Variants in ASB1 observed in about 807,000 individuals in gnomAD.
The protein encoded by ASB1 is ankyrin repeat and SOCS box containing 1.
Under a neutral mutation model 27.7 loss-of-function variants are expected in ASB1, and 18 were observed. The observed-to-expected ratio is 0.65, with a 90% CI of 0.45 to 0.96. ASB1 has a LOEUF of 0.96. Among genes scored for constraint, ASB1 ranks in the 50% least tolerant of loss-of-function variants. ASB1 has a pLI of 0.00. For missense variants in ASB1, 397 were observed against 451.7 expected (o/e 0.88, Z 1.10); for synonymous variants, 189 against 187.6 (o/e 1.01, Z -0.06).
intron 4 of ASB1, 21 bp downstream of exon 4, chr2:238,444,748 T>C (rs1702145753): frequency 6.3e-7 from 1 of 1,578,028 alleles, no homozygotes; most frequent in Non-Finnish European, 8.6e-7. Context: ...TGAGTTCAGC[T>C]CTGACTTGTG....
intron 2 of ASB1, among the ~76,000 whole-genome samples, chr2:238,434,415 A>G (rs1316091792): frequency 6.6e-6 from 1 of 152,178 alleles, no homozygotes. Context: ...GCAGCCAGGA[A>G]CTATCCATGC....
At chr2:238,445,205 C>G (rs1473703311) in intron 4 of ASB1, among the ~76,000 whole-genome samples, 2 of 152,022 alleles carry the variant, frequency 1.3e-5, no homozygotes, top group African/African-American at 4.8e-5. Flanking sequence ...TGTTGAACTC[C>G]TGGGCTCAAG....
In ASB1 at chr2:238,452,139, C is replaced by G. The variant is rs1036583366; in HGVS notation, c.*5628C>G. On this transcript the variant is annotated 3_prime_UTR_variant, in exon 5 of 5. Coordinates refer to ENST00000264607, the MANE Select transcript of ASB1 (RefSeq NM_001040445.3). ...CTGTGGGCAAGCCTGTTGTTTTTGGCCCCCTGTTGTTACATGGGACCTGTT... is the reference window on the plus strand; with the variant it reads ...CTGTGGGCAAGCCTGTTGTTTTTGGGCCCCTGTTGTTACATGGGACCTGTT... 1 of 152,136 alleles carries G rather than the reference C, an allele frequency of 6.6e-6. No individual in the cohort carries two copies. Among genetic ancestry groups the G allele is most frequent in the Non-Finnish European group, 1.5e-5 (1 of 68,028 alleles). 9.4% of individuals were successfully genotyped at this position (152,136 alleles called of 1,614,324 possible).
intron 3 of ASB1, among the ~76,000 whole-genome samples, chr2:238,440,036 G>A (rs889499149): frequency 2.6e-5 from 4 of 152,136 alleles, no homozygotes; most frequent in Admixed American, 1.3e-4. Context: ...TATTGTCTCA[G>A]TTTGTCTACT....
intron 1 of ASB1, among the ~76,000 whole-genome samples, chr2:238,432,840 G>A (rs1443740589): frequency 2.0e-5 from 3 of 151,820 alleles, no homozygotes; most frequent in Non-Finnish European, 4.4e-5. Context: ...ATCTGCCTCT[G>A]GGTCCAAGCA....
chr2:238,436,786 T>TA (rs1553625444), intron 3 of ASB1, among the ~76,000 whole-genome samples: 3 of 151,938 alleles, frequency 2.0e-5, no homozygotes, highest in Non-Finnish European at 4.4e-5. Flanking sequence ...TTTTTTTTTT[T>TA]ACATTTTTGT....
intron 3 of ASB1, among the ~76,000 whole-genome samples, chr2:238,439,713 G>A (rs1337160027): frequency 6.6e-6 from 1 of 152,296 alleles, no homozygotes; most frequent in Non-Finnish European, 1.5e-5. Context: ...TTTTGGGCAG[G>A]AATCGCAAAG....
intron 1 of ASB1, chr2:238,433,300 T>C: frequency 2.6e-6 from 1 of 381,022 alleles, no homozygotes. Flanking sequence ...ATTTATTTCT[T>C]TTGTTTTTAC....
rs1189140244 is a variant in ASB1, at chr2:238,452,122, A to C, written c.*5611A>C. 2 of 152,182 alleles carry C rather than the reference A, an allele frequency of 1.3e-5. No homozygotes were observed. The highest frequency in any genetic ancestry group is 4.8e-5 in the African/African-American group (2 of 41,436). 9.4% of individuals were successfully genotyped at this position (152,182 alleles called of 1,614,324 possible). ...GTAGGGGGTGATGGAGACTGTGGGC[A>C]AGCCTGTTGTTTTTGGCCCCCTGTT... On this transcript the variant is annotated 3_prime_UTR_variant, in exon 5 of 5. Transcript: ENST00000264607.
intron 1 of ASB1, 153 bp from the exon 2 acceptor site, chr2:238,433,401 G>A: frequency 1.1e-6 from 1 of 882,198 alleles, no homozygotes; most frequent in Non-Finnish European, 1.7e-6. Context: ...GGGATTACAG[G>A]CGTGCCACCA....
chr2:238,432,229 C>A (rs1394050750), intron 1 of ASB1, among the ~76,000 whole-genome samples: 1 of 152,080 alleles, frequency 6.6e-6, no homozygotes, highest in Non-Finnish European at 1.5e-5. Context: ...AGTTCTTCTC[C>A]CTTATATTTT....
intron 3 of ASB1, among the ~76,000 whole-genome samples, chr2:238,439,548 T>C (rs1194612766): frequency 1.3e-5 from 2 of 152,192 alleles, no homozygotes; most frequent in East Asian, 3.8e-4. Context: ...GGTCCCGTCA[T>C]CGCTGCTCCC....
Position 238,435,858 on chromosome 2 carries a change from G to A in ASB1, c.339G>A (p.Thr113=), listed in dbSNP as rs373033072. Reference sequence around the variant, plus strand: ...ATCTGGTGGACGTAAAAGGACAGACGGCCCTGTATGTGGCTGTGGTGAACG... The same window carrying A: ...ATCTGGTGGACGTAAAAGGACAGACAGCCCTGTATGTGGCTGTGGTGAACG... ...EVDLVDVKGQ[T]ALYVAVVNGH... Residue 113 remains threonine, a synonymous_variant, in exon 3 of 5, where the codon ACG becomes ACA. Transcript: ENST00000264607. The A allele has an allele frequency of 1.9e-6, 3 of 1,614,258 alleles. No homozygotes were observed. Among genetic ancestry groups the A allele is most frequent in the South Asian group, 1.1e-5 (1 of 91,086 alleles).
rs372374385 is a variant in ASB1 at position 238,446,549 on chromosome 2, G to A, written c.*38G>A. Reference sequence around the variant, plus strand: ...GCGGTTGATTCCAGTGAGGGAGAAAGTGATCTGCAGGGAGGTGGACACCGA... The same window carrying A: ...GCGGTTGATTCCAGTGAGGGAGAAAATGATCTGCAGGGAGGTGGACACCGA... On this transcript the variant is annotated 3_prime_UTR_variant, in exon 5 of 5. Coordinates refer to ENST00000264607, the MANE Select transcript of ASB1 (RefSeq NM_001040445.3). 3.9e-5 allele frequency: 62 copies of A among 1,609,250 alleles called. No homozygotes were observed. The highest frequency in any genetic ancestry group is 1.7e-4 in the Middle Eastern group (1 of 5,994).
chr2:238,429,408 A>C (rs1387647440), intron 1 of ASB1, among the ~76,000 whole-genome samples: 1 of 152,208 alleles, frequency 6.6e-6, no homozygotes, highest in Non-Finnish European at 1.5e-5. Flanking sequence ...TGAATAACTC[A>C]ATTATTTCCT....
At chr2:238,440,434 A>G (rs538054443) in intron 3 of ASB1, among the ~76,000 whole-genome samples, 56 of 152,168 alleles carry the variant, frequency 3.7e-4, no homozygotes, top group Admixed American at 3.2e-3. Context: ...CGCGTTTACT[A>G]TTCTCCTTTC....
rs540778586 is a variant in ASB1, at chr2:238,444,204, G to A, written c.495-138G>A. 56 of 844,182 alleles carry A rather than the reference G, an allele frequency of 6.6e-5. No homozygotes were observed. In the African/African-American group the frequency reaches 6.7e-4, roughly 10 times the overall value. 52.3% of individuals were successfully genotyped at this position (844,182 alleles called of 1,614,324 possible). ...TGAACGTAGTGAAGCTATCTGATCT[G>A]TGGAGTCTCCTACAGCGCCTGGTGT... On this transcript the variant is annotated intron_variant, in intron 3 of 4. Coordinates refer to ENST00000264607, the MANE Select transcript of ASB1 (RefSeq NM_001040445.3).
chr2:238,451,157 G>C lies in ASB1; in HGVS notation c.*4646G>C, dbSNP rs1020085128. 1 of 152,074 alleles carries C rather than the reference G, an allele frequency of 6.6e-6. No homozygotes were observed. The highest frequency in any genetic ancestry group is 1.5e-5 in the Non-Finnish European group (1 of 68,014). The allele number at this position is 152,074 out of a possible 1,614,324, so 9.4% of individuals were successfully genotyped here. ...GATTCACATCCCAGGAGAATTCCAC[G>C]GAGAGGAATGTGCAGATTTTGAAGT... On this transcript the variant is annotated 3_prime_UTR_variant, in exon 5 of 5. Transcript: ENST00000264607.
chr2:238,434,194 C>G (rs1487850173), intron 2 of ASB1, among the ~76,000 whole-genome samples: 1 of 152,232 alleles, frequency 6.6e-6, no homozygotes, highest in Admixed American at 6.5e-5. Flanking sequence ...CCTTTCTGTT[C>G]CCCTCATCAG....
Sources: allele counts gnomAD v4.1 joint callset (sites outside exome capture counted in the v4.1 genomes callset), GRCh38; gene constraint gnomAD v4.1.1; transcripts MANE v1.5; gene names NCBI Gene and HGNC (gene_info 2026-07-23, HGNC 2026-07-21).